ZNF566: variants seen among roughly 807,000 people sequenced by gnomAD.
ZNF566 encodes the protein zinc finger protein 566.
ZNF566 carries 27 observed loss-of-function variants against 32.8 expected under a neutral mutation model. That is an observed-to-expected ratio of 0.82 (90% CI 0.61 to 1.14). The LOEUF (loss-of-function observed/expected upper bound fraction) is 1.14. ZNF566 is among the 50% of genes most tolerant of loss of function. The probability of loss-of-function intolerance (pLI) is 0.00; values close to 1 mark genes in which losing one functional copy is unlikely to be tolerated. For missense variants in ZNF566, 402 were observed against 490.4 expected, an observed-to-expected ratio of 0.82 and a Z score of 1.70; for synonymous variants, 154 against 159.5, an observed-to-expected ratio of 0.97 and a Z score of 0.26.
chr19:36,451,536 G>A lies in ZNF566; in HGVS notation c.233-1535C>T, dbSNP rs188676165. Among the ~76,000 whole-genome samples the A allele has an allele frequency of 9.6e-4, 146 of 152,290 alleles. 1 individual carries two copies. Among genetic ancestry groups the A allele is most frequent in the African/African-American group, 3.4e-3 (140 of 41,558 alleles). ...TGGAAGGCAGTGTATGGTACTGACA[G>A]ATCAGAGATACTAGATTCAGTTACA... On this transcript the variant is annotated intron_variant, in intron 4 of 4. Coordinates refer to ENST00000452939, the MANE Select transcript of ZNF566 (RefSeq NM_001145344.1).
intron 2 of ZNF566, among the ~76,000 whole-genome samples, chr19:36,475,938 T>G (rs1263100700): frequency 6.6e-6 from 1 of 152,202 alleles, no homozygotes; most frequent in Non-Finnish European, 1.5e-5. Context: ...TGATGGACAT[T>G]AATCTAAATT....
intron 1 of ZNF566, among the ~76,000 whole-genome samples, chr19:36,488,402 A>G (rs1056002978): frequency 6.6e-6 from 1 of 152,108 alleles, no homozygotes; most frequent in South Asian, 2.1e-4. Flanking sequence ...GCCTACAAAA[A>G]TTTTTTTAAC....
At chr19:36,488,322 T>A (rs2034222620) in intron 1 of ZNF566, among the ~76,000 whole-genome samples, 1 of 152,190 alleles carries the variant, frequency 6.6e-6, no homozygotes. Context: ...CTCCAGCTCC[T>A]GGCCTCAAGT....
intron 1 of ZNF566, among the ~76,000 whole-genome samples, chr19:36,487,908 AAAAAAAAAAAAAAAAG>A (rs1168971980): frequency 1.0e-5 from 1 of 97,378 alleles, no homozygotes; most frequent in Middle Eastern, 5.6e-3. Flanking sequence ...AAAAAAAAAA[AAAAAAAAAAAAAAAAG>A]AATGGGTAAA....
intron 4 of ZNF566, 149 bp from the exon 5 acceptor site, chr19:36,450,150 G>A: frequency 1.5e-6 from 1 of 666,012 alleles, no homozygotes; most frequent in Non-Finnish European, 2.5e-6. Flanking sequence ...ATAAGATGAG[G>A]GTAGTGATTA....
intron 4 of ZNF566, among the ~76,000 whole-genome samples, chr19:36,460,746 T>A (rs1331059928): frequency 6.6e-6 from 1 of 151,696 alleles, no homozygotes; most frequent in Non-Finnish European, 1.5e-5. Flanking sequence ...CCCAAAGAAA[T>A]CCATACTCAG....
chr19:36,481,594 C>G (rs568259091), intron 1 of ZNF566, among the ~76,000 whole-genome samples: 1 of 151,624 alleles, frequency 6.6e-6, no homozygotes, highest in East Asian at 1.9e-4. Context: ...GGGAAACAGA[C>G]ATGCTCATAC....
At chr19:36,455,774 C>CT (rs1023291264) in intron 4 of ZNF566, among the ~76,000 whole-genome samples, 5 of 149,976 alleles carry the variant, frequency 3.3e-5, no homozygotes, top group African/African-American at 4.9e-5. Context: ...CATGCAGTGG[C>CT]TTATGCCTGT....
At chr19:36,473,569 T>C in intron 2 of ZNF566, 111 bp from the exon 3 acceptor site, 1 of 1,014,510 alleles carries the variant, frequency 9.9e-7, no homozygotes, top group Non-Finnish European at 1.4e-6. Flanking sequence ...AGTGAGCATA[T>C]GAATGTCTGG....
At chr19:36,480,334 G>C (rs1241426393) in intron 1 of ZNF566, among the ~76,000 whole-genome samples, 1 of 147,458 alleles carries the variant, frequency 6.8e-6, no homozygotes, top group East Asian at 2.0e-4. Flanking sequence ...ACGCAGGCTG[G>C]AGTGCAGTGG....
intron 4 of ZNF566, among the ~76,000 whole-genome samples, chr19:36,453,503 A>AT (rs2033219361): frequency 2.6e-5 from 2 of 77,962 alleles, no homozygotes; most frequent in African/African-American, 5.6e-5. Context: ...AAATAAATAA[A>AT]TAAATTAATT....
intron 1 of ZNF566, among the ~76,000 whole-genome samples, chr19:36,481,378 G>A (rs994178091): frequency 1.3e-5 from 2 of 151,274 alleles, no homozygotes; most frequent in African/African-American, 4.9e-5. Context: ...GGCTGAGGCA[G>A]GAGAATCACT....
chr19:36,449,704 C>G lies in ZNF566; in HGVS notation c.530G>C (p.Arg177Thr), dbSNP rs2033096034. ...CTGTGAGCCATGTCTAAAGGTTTTC[C>G]TATATTCTTTAGATGCACAGAATTT... ...KKKFCASKEY[R>T]KTFRHGSQFA... Residue 177 changes from arginine (R) to threonine (T), a missense_variant, in exon 5 of 5, where the codon AGG becomes ACG. Arg to Thr is a moderately conservative substitution (Grantham distance 71). Around this residue, in one of 3 missense-constraint regions of ZNF566, gnomAD observed 220 missense variants for 241.9 expected, o/e 0.91. Transcript: ENST00000452939. 1 of 1,613,880 alleles carries G rather than the reference C, an allele frequency of 6.2e-7. No homozygotes were observed. Among genetic ancestry groups the G allele is most frequent in the Admixed American group, 1.7e-5 (1 of 59,970 alleles).
intron 4 of ZNF566, among the ~76,000 whole-genome samples, chr19:36,452,612 A>G (rs1438670725): frequency 2.0e-5 from 3 of 150,972 alleles, no homozygotes; most frequent in Non-Finnish European, 4.4e-5. Context: ...ATTTAATCTG[A>G]TCACTGAATC....
chr19:36,473,139 A>AT, intron 3 of ZNF566, 133 bp from the exon 4 acceptor site: 1 of 1,055,886 alleles, frequency 9.5e-7, no homozygotes, highest in African/African-American at 1.6e-5. Flanking sequence ...CTTATGAAAC[A>AT]TAACGGAAGA....
intron 4 of ZNF566, among the ~76,000 whole-genome samples, chr19:36,462,665 T>C (rs1328927903): frequency 6.6e-6 from 1 of 151,890 alleles, no homozygotes; most frequent in Non-Finnish European, 1.5e-5. Context: ...TGTGTATATA[T>C]ACATATATGT....
At chr19:36,483,264 CAAATA>C (rs1242621088) in intron 1 of ZNF566, among the ~76,000 whole-genome samples, 1 of 152,158 alleles carries the variant, frequency 6.6e-6, no homozygotes, top group African/African-American at 2.4e-5. Flanking sequence ...AACATATAAA[CAAATA>C]AATAGACATA....
At chr19:36,469,114 G>A (rs925607306) in intron 4 of ZNF566, among the ~76,000 whole-genome samples, 5 of 151,776 alleles carry the variant, frequency 3.3e-5, no homozygotes, top group Non-Finnish European at 5.9e-5. Flanking sequence ...AAGCAGTCCA[G>A]TATACAAAGA....
chr19:36,450,140 A>G (rs1488256585), intron 4 of ZNF566, 139 bp from the exon 5 acceptor site: 4 of 682,464 alleles, frequency 5.9e-6, no homozygotes, highest in East Asian at 5.4e-5. Flanking sequence ...AGGTTACATA[A>G]TAAGATGAGG....
Sources: allele counts gnomAD v4.1 joint callset (sites outside exome capture counted in the v4.1 genomes callset), GRCh38; gene constraint gnomAD v4.1.1; regional missense constraint gnomAD v4.1.1; transcripts MANE v1.5; gene names NCBI Gene and HGNC (gene_info 2026-07-23, HGNC 2026-07-21).